The following EDIL3 variants were observed in gnomAD, a reference collection of about 807,000 sequenced individuals.
The protein encoded by EDIL3 is EGF-like repeat and discoidin I-like domain-containing protein 3.
A neutral mutation model predicts 67.4 loss-of-function variants in EDIL3; 37 were observed. That is an observed-to-expected ratio of 0.55 (90% CI 0.42 to 0.72). The LOEUF is 0.72. EDIL3 is among the 30% of genes least tolerant of loss of function. The pLI is 0.00. For synonymous variants in EDIL3, 195 were observed against 196.3 expected (o/e 0.99, Z 0.05); for missense variants, 527 against 586.3 (o/e 0.90, Z 1.04).
intron 9 of EDIL3, among the ~76,000 whole-genome samples, chr5:84,023,751 G>C (rs1176012474): frequency 6.6e-6 from 1 of 151,910 alleles, no homozygotes; most frequent in African/African-American, 2.4e-5. Context: ...AGTCTTATTA[G>C]ACTTTTCCTC....
At chr5:84,290,962 T>G (rs1745902097) in intron 1 of EDIL3, among the ~76,000 whole-genome samples, 1 of 152,168 alleles carries the variant, frequency 6.6e-6, no homozygotes. Context: ...GATTTCAGCT[T>G]TAGTCTCACT....
At chr5:83,944,247 C>T (rs1357928903) in intron 10 of EDIL3, among the ~76,000 whole-genome samples, 1 of 151,946 alleles carries the variant, frequency 6.6e-6, no homozygotes, top group African/African-American at 2.4e-5. Context: ...ACAACACAAT[C>T]AATGCTGTTT....
intron 1 of EDIL3, among the ~76,000 whole-genome samples, chr5:84,305,159 C>A (rs1191051879): frequency 6.6e-6 from 1 of 152,142 alleles, no homozygotes; most frequent in Non-Finnish European, 1.5e-5. Context: ...AAATCCAGGG[C>A]TTAAGCAGTA....
chr5:84,143,679 T>C (rs73769741), intron 4 of EDIL3, among the ~76,000 whole-genome samples: 2,229 of 151,970 alleles, frequency 0.015, 39 homozygotes, highest in East Asian at 0.038. Flanking sequence ...AAAGCCAAAA[T>C]GAGGGGAGGT....
At chr5:84,113,339 T>C (rs1005044378) in intron 5 of EDIL3, among the ~76,000 whole-genome samples, 1 of 152,178 alleles carries the variant, frequency 6.6e-6, no homozygotes, top group Non-Finnish European at 1.5e-5. Flanking sequence ...TTCAGGCACC[T>C]TTTATACAGT....
chr5:84,001,921 C>T (rs112699019), intron 9 of EDIL3, among the ~76,000 whole-genome samples: 1 of 151,728 alleles, frequency 6.6e-6, no homozygotes, highest in Admixed American at 6.6e-5. Context: ...GCCTGTATTA[C>T]CCAGACACCA....
chr5:84,261,056 G>A (rs1212476220), intron 1 of EDIL3, among the ~76,000 whole-genome samples: 1 of 152,130 alleles, frequency 6.6e-6, no homozygotes, highest in Non-Finnish European at 1.5e-5. Context: ...TTGTTGAACT[G>A]TACTATCATT....
chr5:84,201,795 T>C (rs749056043), intron 3 of EDIL3, among the ~76,000 whole-genome samples: 23 of 152,142 alleles, frequency 1.5e-4, no homozygotes, highest in African/African-American at 4.8e-5. Flanking sequence ...TTGCCAACTA[T>C]ATTTTGAAAG....
intron 4 of EDIL3, among the ~76,000 whole-genome samples, chr5:84,153,293 C>A (rs1044595877): frequency 4.6e-4 from 70 of 151,998 alleles, no homozygotes; most frequent in African/African-American, 1.6e-3. Context: ...TGTTATTATT[C>A]TTTTATTATT....
chr5:84,039,546 AG>A (rs1746083090), intron 9 of EDIL3, among the ~76,000 whole-genome samples: 1 of 152,204 alleles, frequency 6.6e-6, no homozygotes, highest in African/African-American at 2.4e-5. Flanking sequence ...ATTACAGATG[AG>A]CAGTCTGCTA....
At chr5:84,038,215 C>T (rs368290459) in intron 9 of EDIL3, among the ~76,000 whole-genome samples, 2 of 151,886 alleles carry the variant, frequency 1.3e-5, no homozygotes. Flanking sequence ...TCTCCTTACG[C>T]GGTAGGTCAG....
At chr5:83,961,851 G>A (rs1322135665) in intron 10 of EDIL3, among the ~76,000 whole-genome samples, 1 of 151,290 alleles carries the variant, frequency 6.6e-6, no homozygotes. Flanking sequence ...AGACGTCATT[G>A]ATTATAAATC....
intron 1 of EDIL3, among the ~76,000 whole-genome samples, chr5:84,312,075 T>C (rs1302209008): frequency 6.6e-6 from 1 of 152,142 alleles, no homozygotes; most frequent in South Asian, 2.1e-4. Context: ...AGCTGTTGGG[T>C]ACACCTCCCA....
chr5:84,128,302 C>T (rs1246862930), intron 5 of EDIL3, among the ~76,000 whole-genome samples: 1 of 152,098 alleles, frequency 6.6e-6, no homozygotes, highest in Non-Finnish European at 1.5e-5. Flanking sequence ...TTCTTCTCTT[C>T]TGAGAAAGGC....
At chr5:84,264,009 G>C (rs940836993) in intron 1 of EDIL3, among the ~76,000 whole-genome samples, 17 of 152,198 alleles carry the variant, frequency 1.1e-4, no homozygotes, top group African/African-American at 3.9e-4. Context: ...GGAAGCTGAG[G>C]CAGGCAGATT....
intron 2 of EDIL3, among the ~76,000 whole-genome samples, chr5:84,233,688 A>T (rs1423295966): frequency 6.6e-6 from 1 of 152,146 alleles, no homozygotes; most frequent in Non-Finnish European, 1.5e-5. Flanking sequence ...GGGGACAAGG[A>T]TATGTAAGGA....
At chr5:84,316,295 A>C (rs1047369346) in intron 1 of EDIL3, among the ~76,000 whole-genome samples, 1 of 152,232 alleles carries the variant, frequency 6.6e-6, no homozygotes, top group African/African-American at 2.4e-5. Flanking sequence ...TAAATGCCCC[A>C]GTTAAAAGAT....
chr5:84,078,095 G>C (rs1204955038), intron 6 of EDIL3, among the ~76,000 whole-genome samples: 3 of 152,098 alleles, frequency 2.0e-5, no homozygotes, highest in African/African-American at 7.2e-5. Context: ...AACTAGCATA[G>C]CCATTTCTAT....
At chr5:84,255,133 T>A (rs916193541) in intron 1 of EDIL3, among the ~76,000 whole-genome samples, 6 of 152,158 alleles carry the variant, frequency 3.9e-5, no homozygotes, top group Non-Finnish European at 8.8e-5. Flanking sequence ...AACCAGTCCA[T>A]TTGAAAGTAA....
Sources: gnomAD v4.1 joint callset for allele counts (sites outside exome capture counted in the v4.1 genomes callset) on GRCh38, gnomAD v4.1.1 for gene constraint, MANE v1.5 for transcripts, NCBI Gene and HGNC (gene_info 2026-07-23, HGNC 2026-07-21) for gene names.